The following AKT3 variants were observed in gnomAD, a reference collection of about 807,000 sequenced individuals.
The protein encoded by AKT3 is AKT serine/threonine kinase 3, also known as RAC-gamma serine/threonine-protein kinase.
AKT3 carries 15 observed loss-of-function variants against 65.3 expected under a neutral mutation model. That is an observed-to-expected ratio of 0.23 (90% CI 0.15 to 0.35). The LOEUF (loss-of-function observed/expected upper bound fraction) is 0.35. AKT3 is among the 10% of genes least tolerant of loss of function. AKT3 has a pLI of 1.00. For synonymous variants in AKT3, 206 were observed against 183.8 expected (o/e 1.12, Z -0.98); for missense variants, 243 against 576.5 (o/e 0.42, Z 5.92).
intron 2 of AKT3, among the ~76,000 whole-genome samples, chr1:243,800,454 T>C (rs1426015186): frequency 6.6e-6 from 1 of 152,226 alleles, no homozygotes; most frequent in Non-Finnish European, 1.5e-5. Context: ...GTGCAGTGGC[T>C]CACGCCTGTA....
intron 2 of AKT3, among the ~76,000 whole-genome samples, chr1:243,730,933 G>T (rs917188838): frequency 6.6e-6 from 1 of 152,222 alleles, no homozygotes; most frequent in Non-Finnish European, 1.5e-5. Context: ...GCCGGACCCT[G>T]TGTTAGCTCT....
chr1:243,692,749 T>G (rs914654326), intron 3 of AKT3, among the ~76,000 whole-genome samples: 3 of 151,906 alleles, frequency 2.0e-5, no homozygotes, highest in African/African-American at 4.8e-5. Flanking sequence ...AAAAAAAAAT[T>G]TATGTGTTTT....
intron 2 of AKT3, among the ~76,000 whole-genome samples, chr1:243,827,976 T>C (rs190629348): frequency 6.6e-6 from 1 of 152,278 alleles, no homozygotes; most frequent in Admixed American, 6.5e-5. Context: ...AACATTGATA[T>C]TGATAGTTAG....
chr1:243,840,896 C>T, intron 2 of AKT3, among the ~76,000 whole-genome samples: 1 of 151,696 alleles, frequency 6.6e-6, no homozygotes, highest in Non-Finnish European at 1.5e-5. Context: ...TATTAGGTTA[C>T]TGAAGGTTAA....
In AKT3 at chr1:243,843,715, G is replaced by A. The variant is rs141042513; in HGVS notation, c.-112-433C>T. 2.7e-3 allele frequency: 1,035 copies of A among 376,694 alleles called. 3 individuals carry two copies. Among genetic ancestry groups the A allele is most frequent in the South Asian group, 8.5e-3 (77 of 9,018 alleles). The allele number at this position is 376,694 out of a possible 1,614,324, so 23.3% of individuals were successfully genotyped here. On this transcript the variant is annotated intron_variant, in intron 1 of 13. Coordinates refer to ENST00000673466, the MANE Select transcript of AKT3 (RefSeq NM_005465.7). Reference sequence around the variant, plus strand: ...TCGCCAGGCTGGAGTACAGTGGCGCGATCTCTGCTCACTGCAACCTCCACC... The same window carrying A: ...TCGCCAGGCTGGAGTACAGTGGCGCAATCTCTGCTCACTGCAACCTCCACC...
intron 2 of AKT3, among the ~76,000 whole-genome samples, chr1:243,748,072 A>G (rs1219909273): frequency 2.0e-5 from 3 of 152,160 alleles, no homozygotes; most frequent in Non-Finnish European, 4.4e-5. Flanking sequence ...ATTAAAAGAT[A>G]CACAAACATA....
In AKT3 at chr1:243,584,570, A is replaced by G. The variant is rs567228365; in HGVS notation, c.697-11522T>C. On this transcript the variant is annotated intron_variant, in intron 8 of 13. Coordinates refer to ENST00000673466, the MANE Select transcript of AKT3 (RefSeq NM_005465.7). ...ATACTAGCAAACTGAATTGAAAAAC[A>G]CATCAAAAAGTTAATTCACCATGAT... 3.3e-5 allele frequency among the ~76,000 whole-genome samples: 5 copies of G among 152,336 alleles called. No homozygotes were observed. The South Asian group carries it at 1.0e-3, about 32-fold the overall frequency.
At chr1:243,591,090 C>T (rs981420538) in intron 8 of AKT3, among the ~76,000 whole-genome samples, 5 of 152,070 alleles carry the variant, frequency 3.3e-5, no homozygotes, top group Non-Finnish European at 7.4e-5. Flanking sequence ...ATTCATGAGA[C>T]AGGTAACTAG....
chr1:243,668,927 A>C (rs1682985788), intron 3 of AKT3, among the ~76,000 whole-genome samples: 1 of 152,244 alleles, frequency 6.6e-6, no homozygotes, highest in South Asian at 2.1e-4. Context: ...TCACAATTCA[A>C]CTTTGTATAG....
intron 2 of AKT3, among the ~76,000 whole-genome samples, chr1:243,820,156 T>C (rs576694112): frequency 2.0e-5 from 3 of 152,228 alleles, no homozygotes; most frequent in African/African-American, 7.2e-5. Flanking sequence ...CCTGATCTCA[T>C]GATCCACCTG....
intron 2 of AKT3, among the ~76,000 whole-genome samples, chr1:243,783,354 G>A (rs939742626): frequency 2.0e-5 from 3 of 152,166 alleles, no homozygotes; most frequent in East Asian, 1.9e-4. Context: ...AAACCATGGG[G>A]CTTGAAGAAC....
chr1:243,589,121 C>T (rs561970073), intron 8 of AKT3, among the ~76,000 whole-genome samples: 11 of 151,958 alleles, frequency 7.2e-5, no homozygotes, highest in African/African-American at 2.4e-4. Flanking sequence ...GCCTGACCAA[C>T]ATGGTGAAAC....
chr1:243,497,365 G>T (rs1668254605), downstream of AKT3, among the ~76,000 whole-genome samples: 1 of 150,876 alleles, frequency 6.6e-6, no homozygotes, highest in Non-Finnish European at 1.5e-5. Flanking sequence ...GCAGTGAACG[G>T]TAAGTTCAAC....
At position 243,499,926 on chromosome 1, in the gene AKT3, G is replaced by A. The variant is rs369944084; in HGVS notation, c.*5323C>T. 41 of 771,692 alleles carry A rather than the reference G, an allele frequency of 5.3e-5. No individual in the cohort carries two copies. The highest frequency in any genetic ancestry group is 2.2e-4 in the African/African-American group (13 of 58,378). 47.8% of individuals were successfully genotyped at this position (771,692 alleles called of 1,614,324 possible). ...TGCAGTGGGGCTGGTCCTCATCAACGCGGGCGCTGTCCCCGCACGCAGTCG... is the reference window on the plus strand; with the variant it reads ...TGCAGTGGGGCTGGTCCTCATCAACACGGGCGCTGTCCCCGCACGCAGTCG... On this transcript the variant is annotated 3_prime_UTR_variant, in exon 14 of 14. Transcript: ENST00000673466.
At chr1:243,512,585 A>G (rs1204769582) in intron 12 of AKT3, among the ~76,000 whole-genome samples, 159 bp from the exon 13 acceptor site, 1 of 152,216 alleles carries the variant, frequency 6.6e-6, no homozygotes, top group Non-Finnish European at 1.5e-5. Context: ...TTCCCAGTCA[A>G]CAGTCTAAAC....
At position 243,746,686 on chromosome 1, in the gene AKT3, G is replaced by A. The variant is rs183328443; in HGVS notation, c.47-50970C>T. On this transcript the variant is annotated intron_variant, in intron 2 of 13. Transcript: ENST00000673466. Reference sequence around the variant, plus strand: ...GTCTCATAACCTCTGCATATTCAATGCTTTCATATTCAATTGTTTGTTTTT... The same window carrying A: ...GTCTCATAACCTCTGCATATTCAATACTTTCATATTCAATTGTTTGTTTTT... Among the ~76,000 whole-genome samples, 8 of 152,298 alleles carry A rather than the reference G, an allele frequency of 5.3e-5. 1 individual carries two copies. The East Asian group carries it at 1.5e-3, about 29-fold the overall frequency.
intron 2 of AKT3, among the ~76,000 whole-genome samples, chr1:243,700,817 T>C (rs1463820808): frequency 6.6e-6 from 1 of 152,110 alleles, no homozygotes; most frequent in Admixed American, 6.6e-5. Context: ...TAGTCTTTAA[T>C]AACAACCTGA....
At chr1:243,539,945 T>TG (rs1558599847) in intron 12 of AKT3, among the ~76,000 whole-genome samples, 1 of 152,000 alleles carries the variant, frequency 6.6e-6, no homozygotes, top group Non-Finnish European at 1.5e-5. Flanking sequence ...GAATTCACAG[T>TG]GAAAAACTTA....
At chr1:243,727,788 A>G (rs2148133233) in intron 2 of AKT3, among the ~76,000 whole-genome samples, 1 of 152,300 alleles carries the variant, frequency 6.6e-6, no homozygotes, top group Non-Finnish European at 1.5e-5. Flanking sequence ...AAAGAGAACC[A>G]AGAAAAAAAA....
Sources: allele counts gnomAD v4.1 joint callset (sites outside exome capture counted in the v4.1 genomes callset), GRCh38; gene constraint gnomAD v4.1.1; transcripts MANE v1.5; gene names NCBI Gene and HGNC (gene_info 2026-07-23, HGNC 2026-07-21).